The following POLG2 variants were observed in gnomAD, a reference collection of about 807,000 sequenced individuals.
POLG2 encodes DNA polymerase gamma 2, accessory subunit, also known as DNA polymerase subunit gamma-2.
In POLG2, 50 loss-of-function variants were observed where a neutral mutation model predicts 56.5. That is an observed-to-expected ratio of 0.88 (90% confidence interval 0.71 to 1.12). POLG2 has a LOEUF of 1.12. Among genes scored for constraint, POLG2 ranks in the 50% most tolerant of loss-of-function variants. The pLI is 0.00. For missense variants in POLG2, 584 were observed against 583.3 expected, an observed-to-expected ratio of 1.00 and a Z score of -0.01; for synonymous variants, 226 against 222.6, an observed-to-expected ratio of 1.02 and a Z score of -0.14.
At chr17:64,495,967 G>A (rs2038144256) in intron 1 of POLG2, among the ~76,000 whole-genome samples, 1 of 152,106 alleles carries the variant, frequency 6.6e-6, no homozygotes, top group Non-Finnish European at 1.5e-5. Context: ...CCTCTGCCTT[G>A]CAAAATGCTG....
chr17:64,489,433 A>C (rs188202428), intron 4 of POLG2, among the ~76,000 whole-genome samples: 17 of 152,110 alleles, frequency 1.1e-4, no homozygotes, highest in African/African-American at 4.1e-4. Context: ...TTTGAGCAAG[A>C]ATCATCAAGG....
chr17:64,492,784 A>G lies in POLG2; in HGVS notation c.690-12T>C, dbSNP rs960061591. On this transcript the variant is annotated splice_polypyrimidine_tract_variant and intron_variant, in intron 2 of 7. Coordinates refer to ENST00000539111, the MANE Select transcript of POLG2 (RefSeq NM_007215.4). ...TCTTCTCACCAATACTTTAGATATA[A>G]AACGTATCAGGAAGTTAGCTTATCT... is the stretch of plus-strand genomic sequence containing the variant. The G allele has an allele frequency of 1.2e-6, 2 of 1,602,008 alleles. No individual in the cohort carries two copies. The highest frequency in any genetic ancestry group is 1.7e-5 in the Admixed American group (1 of 59,992).
At chr17:64,479,783 T>C (rs1568081013) in intron 7 of POLG2, among the ~76,000 whole-genome samples, 1 of 152,170 alleles carries the variant, frequency 6.6e-6, no homozygotes, top group Non-Finnish European at 1.5e-5. Context: ...CATTTGATGA[T>C]AGACTGGATG....
At chr17:64,482,113 T>TTTTTTTC (rs1555666587) in intron 6 of POLG2, among the ~76,000 whole-genome samples, 2 of 143,136 alleles carry the variant, frequency 1.4e-5, no homozygotes, top group Non-Finnish European at 3.1e-5. Context: ...TTTTTTTTTT[T>TTTTTTTC]TTTTTTCTGA....
intron 1 of POLG2, among the ~76,000 whole-genome samples, chr17:64,493,892 AT>A (rs1284017549): frequency 1.3e-5 from 2 of 152,098 alleles, no homozygotes; most frequent in East Asian, 3.9e-4. Context: ...ATTTTGCCAC[AT>A]TTTTTTCTTG....
chr17:64,485,621 A>C (rs2037936435), intron 5 of POLG2, 107 bp downstream of exon 5: 7 of 944,072 alleles, frequency 7.4e-6, no homozygotes, highest in Admixed American at 7.3e-5. Flanking sequence ...TACATGCACT[A>C]AATTTATTAT....
chr17:64,479,118 AT>A, intron 7 of POLG2, among the ~76,000 whole-genome samples: 1 of 152,200 alleles, frequency 6.6e-6, no homozygotes, highest in South Asian at 2.1e-4. Flanking sequence ...CATTTTACAC[AT>A]AATAAAACCA....
At chr17:64,489,375 A>G (rs1359801691) in intron 4 of POLG2, among the ~76,000 whole-genome samples, 1 of 151,324 alleles carries the variant, frequency 6.6e-6, no homozygotes, top group African/African-American at 2.4e-5. Context: ...AAAAAAAAAA[A>G]GGGAAGGGGA....
At chr17:64,481,538 C>T (rs2037855710) in intron 6 of POLG2, 2 of 386,848 alleles carry the variant, frequency 5.2e-6, no homozygotes, top group South Asian at 2.1e-4. Flanking sequence ...AATTATAGAT[C>T]TAGAATATCT....
intron 4 of POLG2, among the ~76,000 whole-genome samples, chr17:64,489,210 T>C (rs1438515810): frequency 6.6e-6 from 1 of 150,828 alleles, no homozygotes; most frequent in Non-Finnish European, 1.5e-5. Flanking sequence ...AATTTGACCA[T>C]CAAAATAAAT....
At position 64,497,020 on chromosome 17, in the gene POLG2, A is replaced by G; in HGVS notation, c.-52T>C. 3 of 1,507,358 alleles carry G rather than the reference A, an allele frequency of 2.0e-6. No homozygotes were observed. Among genetic ancestry groups the G allele is most frequent in the East Asian group, 2.2e-5 (1 of 44,458 alleles). 93.4% of individuals were successfully genotyped at this position (1,507,358 alleles called of 1,614,324 possible). A position where few individuals can be genotyped will look rare whatever the true frequency, so the allele number is the denominator to read the frequency against. ...CTCCCATCACTCAACGGATCCCAAC[A>G]AGCCACCACTACCGTTAACAGAATC... On this transcript the variant is annotated 5_prime_UTR_variant, in exon 1 of 8. Transcript: ENST00000539111.
chr17:64,494,370 C>T (rs1371756189), intron 1 of POLG2, among the ~76,000 whole-genome samples: 1 of 152,152 alleles, frequency 6.6e-6, no homozygotes, highest in Admixed American at 6.6e-5. Context: ...AATTTGATTA[C>T]TTGGTTAAGG....
intron 5 of POLG2, 33 bp from the exon 6 acceptor site, chr17:64,483,032 G>A (rs782242651): frequency 9.4e-7 from 1 of 1,067,042 alleles, no homozygotes; most frequent in South Asian, 1.3e-5. Context: ...GGAGAAGACA[G>A]GAAAGGGGAA....
At chr17:64,486,346 T>C (rs559425805) in intron 4 of POLG2, among the ~76,000 whole-genome samples, 1 of 147,006 alleles carries the variant, frequency 6.8e-6, no homozygotes, top group Non-Finnish European at 1.5e-5. Flanking sequence ...AGAGTTAGTA[T>C]TCAGAAAGGT....
At position 64,485,641 on chromosome 17, in the gene POLG2, A is replaced by T. The variant is rs1414117639; in HGVS notation, c.1110+87T>A. 3 of 1,069,688 alleles carry T rather than the reference A, an allele frequency of 2.8e-6. No homozygotes were observed. In the African/African-American group the frequency reaches 4.7e-5, roughly 17 times the overall value. The allele number at this position is 1,069,688 out of a possible 1,614,324, so 66.3% of individuals were successfully genotyped here. On this transcript the variant is annotated intron_variant, in intron 5 of 7. Transcript: ENST00000539111. ...GCACTAAATTTATTATTTAGAGTTT[A>T]TGTTAGAAACCGAGCACACTAACAT...
intron 5 of POLG2, among the ~76,000 whole-genome samples, chr17:64,484,555 GGGA>G (rs2037920176): frequency 6.6e-6 from 1 of 152,162 alleles, no homozygotes; most frequent in African/African-American, 2.4e-5. Context: ...ACTCTATCAG[GGGA>G]GGAGGAGTGG....
intron 7 of POLG2, 120 bp from the exon 8 acceptor site, chr17:64,478,108 G>C (rs1351216635): frequency 3.8e-5 from 38 of 997,830 alleles, no homozygotes; most frequent in Middle Eastern, 2.7e-4. Flanking sequence ...AGGGCTTAAG[G>C]GTGGACCAAA....
intron 6 of POLG2, chr17:64,481,528 A>G: frequency 4.5e-6 from 2 of 447,498 alleles, no homozygotes; most frequent in Non-Finnish European, 5.9e-6. Context: ...ATCAAAATAA[A>G]ATTATAGATC....
intron 6 of POLG2, chr17:64,481,463 G>A: frequency 1.0e-6 from 1 of 965,680 alleles, no homozygotes; most frequent in East Asian, 1.1e-4. Context: ...CGAAATGAAA[G>A]CCATCCCCCA....
Sources: gnomAD v4.1 joint callset for allele counts (sites outside exome capture counted in the v4.1 genomes callset) on GRCh38, gnomAD v4.1.1 for gene constraint, MANE v1.5 for transcripts, NCBI Gene and HGNC (gene_info 2026-07-23, HGNC 2026-07-21) for gene names.